KIF6: variants seen among roughly 807,000 people sequenced by gnomAD.
The protein encoded by KIF6 is kinesin-like protein KIF6.
KIF6 carries 106 observed loss-of-function variants against 112.7 expected under a neutral mutation model. The observed-to-expected ratio is 0.94, with a 90% confidence interval of 0.80 to 1.11. KIF6 has a LOEUF of 1.11. Among genes scored for constraint, KIF6 ranks in the 50% least tolerant of loss-of-function variants. The probability of loss-of-function intolerance (pLI) is 0.00; values close to 1 mark genes in which losing one functional copy is unlikely to be tolerated. For synonymous variants in KIF6, 339 were observed against 339.9 expected (o/e 1.00, Z 0.03); for missense variants, 929 against 964.0 (o/e 0.96, Z 0.48).
chr6:39,589,025 T>C (rs1781789361), intron 7 of KIF6, among the ~76,000 whole-genome samples: 1 of 152,198 alleles, frequency 6.6e-6, no homozygotes, highest in Non-Finnish European at 1.5e-5. Flanking sequence ...ATATCCCAGC[T>C]CCTGTGTGGT....
intron 15 of KIF6, among the ~76,000 whole-genome samples, chr6:39,417,455 C>T (rs1770003092): frequency 1.3e-5 from 2 of 152,222 alleles, no homozygotes; most frequent in Admixed American, 1.3e-4. Flanking sequence ...TTGGTGTGAA[C>T]TATGCTTGTT....
At position 39,414,331 on chromosome 6, in the gene KIF6, T is replaced by C. The variant is rs1050551056; in HGVS notation, c.1810+5617A>G. 1.8e-4 allele frequency among the ~76,000 whole-genome samples: 28 copies of C among 152,208 alleles called. 1 individual carries two copies. The highest frequency in any genetic ancestry group is 3.9e-4 in the Admixed American group (6 of 15,274). ...TCTTTTGTATTTTTTGAAGCATCAGTAAACCCACTCAGTTGGAATTGTATA... is the reference window on the plus strand; with the variant it reads ...TCTTTTGTATTTTTTGAAGCATCAGCAAACCCACTCAGTTGGAATTGTATA... On this transcript the variant is annotated intron_variant, in intron 15 of 22. Coordinates refer to ENST00000287152, the MANE Select transcript of KIF6 (RefSeq NM_145027.6).
At position 39,342,869 on chromosome 6, in the gene KIF6, G is replaced by A. The variant is rs367628589; in HGVS notation, c.2428+840C>T. On this transcript the variant is annotated intron_variant, in intron 22 of 22. Coordinates refer to ENST00000287152, the MANE Select transcript of KIF6 (RefSeq NM_145027.6). The surrounding 1 kb of genome is among the most constrained non-coding windows in gnomAD (Gnocchi z 4.7). Reference sequence around the variant, plus strand: ...GCCCAAACTGCACACGGCTGGTGGAGAAGCTGAGTGCAGGCGCCACAGGGC... The same window carrying A: ...GCCCAAACTGCACACGGCTGGTGGAAAAGCTGAGTGCAGGCGCCACAGGGC... 23 of 985,278 alleles carry A rather than the reference G, an allele frequency of 2.3e-5. No individual in the cohort carries two copies. In the East Asian group the frequency reaches 6.8e-4, roughly 29 times the overall value. The allele number at this position is 985,278 out of a possible 1,614,324, so 61.0% of individuals were successfully genotyped here. A position where few individuals can be genotyped will look rare whatever the true frequency, so the allele number is the denominator to read the frequency against.
At chr6:39,379,963 TAAAG>T (rs1327204700) in intron 16 of KIF6, among the ~76,000 whole-genome samples, 1 of 152,204 alleles carries the variant, frequency 6.6e-6, no homozygotes, top group Admixed American at 6.5e-5. Flanking sequence ...TTGTGAGCAT[TAAAG>T]AAAGAAACAC....
At chr6:39,638,681 A>T (rs1287748699) in intron 4 of KIF6, among the ~76,000 whole-genome samples, 3 of 152,106 alleles carry the variant, frequency 2.0e-5, no homozygotes, top group African/African-American at 7.2e-5. Context: ...TATACAGTCA[A>T]GAAATTTTGG....
In KIF6 at chr6:39,570,300, G is replaced by C. The variant is rs369783575; in HGVS notation, c.1181+7756C>G. Among the ~76,000 whole-genome samples the C allele has an allele frequency of 2.9e-4, 44 of 152,320 alleles. 1 individual carries two copies. The highest frequency in any genetic ancestry group is 1.0e-3 in the African/African-American group (42 of 41,578). ...GACTGATGGAGGATACAGTGGTAGA[G>C]ACCAGGTCTGGGGAAAAATGGAGAG... On this transcript the variant is annotated intron_variant, in intron 10 of 22. Coordinates refer to ENST00000287152, the MANE Select transcript of KIF6 (RefSeq NM_145027.6).
chr6:39,338,688 G>A (rs1178423910), intron 22 of KIF6, among the ~76,000 whole-genome samples: 1 of 152,192 alleles, frequency 6.6e-6, no homozygotes, highest in Non-Finnish European at 1.5e-5. Context: ...GGTGGGTCCA[G>A]GTGATTCTGA....
At chr6:39,385,807 CA>C (rs1443827247) in intron 15 of KIF6, 135 bp from the exon 16 acceptor site, 2 of 669,498 alleles carry the variant, frequency 3.0e-6, no homozygotes, top group Non-Finnish European at 5.3e-6. Context: ...GCATAGCTTC[CA>C]AGAAATGACC....
At chr6:39,637,195 G>A (rs1162177441) in intron 4 of KIF6, among the ~76,000 whole-genome samples, 1 of 152,006 alleles carries the variant, frequency 6.6e-6, no homozygotes, top group Non-Finnish European at 1.5e-5. Flanking sequence ...CCAGAAGTTA[G>A]AATAAATCAT....
chr6:39,720,612 G>C, intron 2 of KIF6, 90 bp downstream of exon 2: 1 of 717,460 alleles, frequency 1.4e-6, no homozygotes, highest in Non-Finnish European at 2.4e-6. Flanking sequence ...ACAAGAAATG[G>C]TGCTAATGAT....
chr6:39,404,528 A>T (rs1056060695), intron 15 of KIF6, among the ~76,000 whole-genome samples: 3 of 152,232 alleles, frequency 2.0e-5, no homozygotes, highest in Non-Finnish European at 4.4e-5. Flanking sequence ...ATTGATCTAC[A>T]TATCTATTCT....
intron 3 of KIF6, among the ~76,000 whole-genome samples, chr6:39,703,615 G>A (rs1409413402): frequency 6.6e-6 from 1 of 152,048 alleles, no homozygotes; most frequent in Non-Finnish European, 1.5e-5. Context: ...GAAACACATG[G>A]CCTAGTATAA....
intron 13 of KIF6, among the ~76,000 whole-genome samples, chr6:39,443,166 A>AT (rs1162136107): frequency 0.023 from 3,271 of 140,534 alleles, 160 homozygotes; most frequent in East Asian, 0.19. Context: ...TAATAAATAA[A>AT]AATAAAAAAA....
rs950559303 is a variant in KIF6 at position 39,343,975 on chromosome 6, G to C, written c.2322-160C>G. 2.0e-5 allele frequency among the ~76,000 whole-genome samples: 3 copies of C among 152,176 alleles called. No homozygotes were observed. Among genetic ancestry groups the C allele is most frequent in the African/African-American group, 2.4e-5 (1 of 41,438 alleles). ...TCCCTCCTACCTTCTCTGTGTGGCAGCCACACTAAGCCTCTTGTCATGCAA... is the reference window on the plus strand; with the variant it reads ...TCCCTCCTACCTTCTCTGTGTGGCACCCACACTAAGCCTCTTGTCATGCAA... On this transcript the variant is annotated intron_variant, in intron 21 of 22. Coordinates refer to ENST00000287152, the MANE Select transcript of KIF6 (RefSeq NM_145027.6). The surrounding 1 kb of genome is among the most constrained non-coding windows in gnomAD (Gnocchi z 4.1).
chr6:39,704,194 C>T (rs758905939), intron 3 of KIF6, among the ~76,000 whole-genome samples: 2 of 152,152 alleles, frequency 1.3e-5, no homozygotes, highest in Non-Finnish European at 2.9e-5. Flanking sequence ...AGCTAATACT[C>T]ATTGAGCATG....
chr6:39,453,254 G>C (rs184567122), intron 13 of KIF6, among the ~76,000 whole-genome samples: 1 of 152,280 alleles, frequency 6.6e-6, no homozygotes, highest in East Asian at 1.9e-4. Flanking sequence ...GATCTCAAAA[G>C]ACAAATTTTA....
intron 10 of KIF6, among the ~76,000 whole-genome samples, chr6:39,566,507 T>C (rs903724485): frequency 1.3e-5 from 2 of 152,258 alleles, no homozygotes; most frequent in Non-Finnish European, 2.9e-5. Flanking sequence ...GGAAGCATTT[T>C]ATGGACATTC....
intron 20 of KIF6, 40 bp from the exon 21 acceptor site, chr6:39,345,829 C>A (rs1763667276): frequency 6.9e-7 from 1 of 1,449,678 alleles, no homozygotes; most frequent in Non-Finnish European, 9.5e-7. Context: ...GGAATGGGGG[C>A]AAATTTATAG....
chr6:39,405,437 T>A (rs1193744003), intron 15 of KIF6, among the ~76,000 whole-genome samples: 3 of 152,240 alleles, frequency 2.0e-5, no homozygotes, highest in Non-Finnish European at 4.4e-5. Flanking sequence ...CTAAATTTTA[T>A]CAAATACTTT....
Sources: allele counts gnomAD v4.1 joint callset (sites outside exome capture counted in the v4.1 genomes callset), GRCh38; gene constraint gnomAD v4.1.1; non-coding constraint Gnocchi (gnomAD v3.1); transcripts MANE v1.5; gene names NCBI Gene and HGNC (gene_info 2026-07-23, HGNC 2026-07-21).